Variants in PTPRD observed in about 807,000 individuals in gnomAD.
The protein encoded by PTPRD is protein tyrosine phosphatase receptor type D, also known as receptor-type tyrosine-protein phosphatase delta.
Under a neutral mutation model 214.5 loss-of-function variants are expected in PTPRD, and 34 were observed. The observed-to-expected ratio is 0.16, with a 90% CI of 0.12 to 0.21. PTPRD has a LOEUF of 0.21. Ranked by LOEUF, PTPRD falls within the 10% of genes least tolerant of loss-of-function variation. The pLI, the probability that PTPRD is intolerant of heterozygous loss-of-function variation, is 1.00. For synonymous variants in PTPRD, 1,128 were observed against 845.7 expected, an observed-to-expected ratio of 1.33 and a Z score of -5.79; for missense variants, 2,545 against 2,398.7, an observed-to-expected ratio of 1.06 and a Z score of -1.27.
chr9:10,226,611 G>A (rs376695890), intron 3 of PTPRD, among the ~76,000 whole-genome samples: 6 of 151,972 alleles, frequency 3.9e-5, no homozygotes, highest in East Asian at 1.9e-4. Flanking sequence ...TTCAAGATGC[G>A]AACCAAACCG....
intron 4 of PTPRD, among the ~76,000 whole-genome samples, chr9:10,027,537 A>T (rs1016107740): frequency 6.6e-6 from 1 of 152,194 alleles, no homozygotes; most frequent in Non-Finnish European, 1.5e-5. Context: ...GTGTATTATA[A>T]AATATAACAG....
chr9:9,389,454 G>A (rs1054195735), intron 9 of PTPRD, among the ~76,000 whole-genome samples: 2 of 152,162 alleles, frequency 1.3e-5, no homozygotes, highest in African/African-American at 4.8e-5. Context: ...AGGTTGTGGT[G>A]AGCTGAGATC....
Position 8,449,752 on chromosome 9 carries a change from G to A in PTPRD, c.3961C>T (p.Leu1321=). ...PSHHPTDPVE[L]RRLNFQTPGM... ...GGTGTTTGAAAGTTAAGGCGCCTCA[G>A]TTCTACAGGGTCTGTTGGGTGGTGT... The change falls in exon 34 of 46, where the codon CTG becomes TTG. Residue 1321 remains leucine (L), a synonymous_variant. Transcript: ENST00000381196. 1 of 1,614,046 alleles carries A rather than the reference G, an allele frequency of 6.2e-7. No individual in the cohort carries two copies. Among genetic ancestry groups the A allele is most frequent in the Non-Finnish European group, 8.5e-7 (1 of 1,179,936 alleles).
At chr9:9,467,256 T>G (rs1190730344) in intron 8 of PTPRD, among the ~76,000 whole-genome samples, 1 of 147,284 alleles carries the variant, frequency 6.8e-6, no homozygotes, top group Non-Finnish European at 1.5e-5. Context: ...GCTTCCCAGT[T>G]TTTTTTTTTG....
intron 4 of PTPRD, among the ~76,000 whole-genome samples, chr9:10,020,370 C>T (rs571280987): frequency 7.5e-4 from 112 of 149,078 alleles, no homozygotes; most frequent in Non-Finnish European, 1.3e-3. Context: ...GGCATGATCT[C>T]GGCTCACTGC....
chr9:10,473,406 AT>A (rs2099043640), intron 2 of PTPRD, among the ~76,000 whole-genome samples: 1 of 152,242 alleles, frequency 6.6e-6, no homozygotes, highest in African/African-American at 2.4e-5. Flanking sequence ...TTATCTAGAG[AT>A]ATCTCAGTGC....
At chr9:9,001,187 T>C (rs1456512522) in intron 11 of PTPRD, among the ~76,000 whole-genome samples, 1 of 152,034 alleles carries the variant, frequency 6.6e-6, no homozygotes. Context: ...AATTTATATA[T>C]GAAGTACTGT....
chr9:9,481,993 G>C (rs2095433021), intron 8 of PTPRD, among the ~76,000 whole-genome samples: 1 of 152,004 alleles, frequency 6.6e-6, no homozygotes, highest in Non-Finnish European at 1.5e-5. Flanking sequence ...TTCATCATAA[G>C]AGAACTCTCC....
At chr9:8,764,906 C>T (rs939130290) in intron 11 of PTPRD, among the ~76,000 whole-genome samples, 1 of 152,000 alleles carries the variant, frequency 6.6e-6, no homozygotes, top group African/African-American at 2.4e-5. Context: ...TAATTAAACA[C>T]ATCTCATGAT....
rs188700386 is a variant in PTPRD at position 9,064,133 on chromosome 9, A to G, written c.-142-45398T>C. Among the ~76,000 whole-genome samples the G allele has an allele frequency of 3.5e-3, 540 of 152,302 alleles. 4 individuals carry two copies. Among genetic ancestry groups the G allele is most frequent in the Middle Eastern group, 0.014 (4 of 294 alleles). ...ATCATGTTGTAGAAAAATAATTTAT[A>G]TAACTGAGCTTTACAAAACTTAAAG... On this transcript the variant is annotated intron_variant, in intron 10 of 45. Transcript: ENST00000381196.
At chr9:8,532,018 A>G (rs2075820824) in intron 14 of PTPRD, among the ~76,000 whole-genome samples, 2 of 152,032 alleles carry the variant, frequency 1.3e-5, no homozygotes, top group African/African-American at 4.8e-5. Context: ...CAACAAAGAT[A>G]ATCTTTCTTG....
chr9:8,636,651 G>C lies in PTPRD; in HGVS notation c.210+48C>G, dbSNP rs1415359554. 5 of 1,603,042 alleles carry C rather than the reference G, an allele frequency of 3.1e-6. No individual in the cohort carries two copies. In the South Asian group the frequency reaches 4.4e-5, roughly 14 times the overall value. On this transcript the variant is annotated intron_variant, in intron 13 of 45. Transcript: ENST00000381196. ...GCAAGTAACGTAGAAACCAAAGACAGAGCAGATACATTCTTCCCCCAGAGA... is the reference window on the plus strand; with the variant it reads ...GCAAGTAACGTAGAAACCAAAGACACAGCAGATACATTCTTCCCCCAGAGA...
intron 11 of PTPRD, among the ~76,000 whole-genome samples, chr9:8,758,975 G>T (rs558471407): frequency 6.6e-6 from 1 of 150,886 alleles, no homozygotes; most frequent in Non-Finnish European, 1.5e-5. Flanking sequence ...GTGAGCCACC[G>T]CACCTGGCCT....
intron 14 of PTPRD, among the ~76,000 whole-genome samples, chr9:8,547,641 TAA>T (rs759867541): frequency 3.3e-4 from 37 of 110,934 alleles, no homozygotes; most frequent in Admixed American, 4.9e-4. Context: ...GAATCCTATT[TAA>T]AAAAAAAAAA....
At chr9:8,888,572 T>C (rs916048069) in intron 11 of PTPRD, among the ~76,000 whole-genome samples, 1 of 152,062 alleles carries the variant, frequency 6.6e-6, no homozygotes, top group African/African-American at 2.4e-5. Context: ...TTATGAAAGG[T>C]TTCCCAACAG....
At chr9:8,331,455 G>T in intron 44 of PTPRD, 127 bp downstream of exon 44, 1 of 1,071,632 alleles carries the variant, frequency 9.3e-7, no homozygotes, top group Non-Finnish European at 1.3e-6. Flanking sequence ...AATCAATCCT[G>T]CTTTAAGTTT....
At chr9:9,990,707 T>C (rs572522627) in intron 4 of PTPRD, among the ~76,000 whole-genome samples, 1 of 152,338 alleles carries the variant, frequency 6.6e-6, no homozygotes, top group Admixed American at 6.5e-5. Context: ...TGCATTGATT[T>C]TCTTAAAGTT....
chr9:9,792,253 T>C (rs114116490), intron 5 of PTPRD, among the ~76,000 whole-genome samples: 2,973 of 152,212 alleles, frequency 0.02, 111 homozygotes, highest in African/African-American at 0.068. Context: ...CTGCATGTTA[T>C]TTAATGCTGT....
chr9:10,112,924 C>T (rs1339780320), intron 3 of PTPRD, among the ~76,000 whole-genome samples: 2 of 152,202 alleles, frequency 1.3e-5, no homozygotes, highest in South Asian at 2.1e-4. Flanking sequence ...TTCTAAGCCA[C>T]ATGGCTTATT....
Sources: allele counts gnomAD v4.1 joint callset (sites outside exome capture counted in the v4.1 genomes callset), GRCh38; gene constraint gnomAD v4.1.1; transcripts MANE v1.5; gene names NCBI Gene and HGNC (gene_info 2026-07-23, HGNC 2026-07-21).